BCAS3: variants seen among roughly 807,000 people sequenced by gnomAD.
BCAS3 encodes the protein BCAS4/BCAS3 fusion.
Under a neutral mutation model 116.1 loss-of-function variants are expected in BCAS3, and 53 were observed. That is an observed-to-expected ratio of 0.46 (90% CI 0.37 to 0.57). The LOEUF (loss-of-function observed/expected upper bound fraction) is 0.57, where lower values mean the gene tolerates loss of function less well. BCAS3 is among the 20% of genes least tolerant of loss of function. The probability of loss-of-function intolerance (pLI) is 0.00; values close to 1 mark genes in which losing one functional copy is unlikely to be tolerated. For synonymous variants in BCAS3, 391 were observed against 408.2 expected (o/e 0.96, Z 0.51); for missense variants, 917 against 1,165.4 (o/e 0.79, Z 3.10).
chr17:60,844,853 C>T (rs1259971375), intron 7 of BCAS3, among the ~76,000 whole-genome samples: 1 of 152,046 alleles, frequency 6.6e-6, no homozygotes, highest in Non-Finnish European at 1.5e-5. Flanking sequence ...AGATAGAATA[C>T]CATGAGTAAA....
intron 6 of BCAS3, among the ~76,000 whole-genome samples, chr17:60,788,501 A>G (rs1242687174): frequency 1.3e-5 from 2 of 152,192 alleles, no homozygotes; most frequent in Non-Finnish European, 2.9e-5. Context: ...ATATAGTTTA[A>G]TAAACTTTTT....
chr17:61,058,837 T>C (rs1477743725), intron 19 of BCAS3, among the ~76,000 whole-genome samples: 1 of 152,150 alleles, frequency 6.6e-6, no homozygotes, highest in African/African-American at 2.4e-5. Context: ...AATGATATAA[T>C]TGACGTTTGG....
At chr17:60,788,670 CCTCT>C (rs1274190685) in intron 6 of BCAS3, among the ~76,000 whole-genome samples, 3 of 152,008 alleles carry the variant, frequency 2.0e-5, no homozygotes, top group Non-Finnish European at 4.4e-5. Context: ...GTGCCTGGAG[CCTCT>C]CTATTTTCCT....
At chr17:60,789,416 G>A (rs1204691851) in intron 6 of BCAS3, among the ~76,000 whole-genome samples, 1 of 152,164 alleles carries the variant, frequency 6.6e-6, no homozygotes, top group Admixed American at 6.5e-5. Flanking sequence ...TGGGAGAGGA[G>A]TTGGTGACTT....
intron 22 of BCAS3, among the ~76,000 whole-genome samples, chr17:61,338,399 G>A (rs116930456): frequency 0.011 from 1,718 of 151,418 alleles, 28 homozygotes; most frequent in East Asian, 0.054. Flanking sequence ...TACCAGAGTC[G>A]CTTTTTTTTT....
At chr17:61,053,855 A>T (rs1310344782) in intron 19 of BCAS3, among the ~76,000 whole-genome samples, 1 of 152,212 alleles carries the variant, frequency 6.6e-6, no homozygotes, top group African/African-American at 2.4e-5. Context: ...TCACTTATTT[A>T]CACTTAAACT....
At chr17:61,202,845 A>G (rs1293474072) in intron 22 of BCAS3, among the ~76,000 whole-genome samples, 2 of 152,224 alleles carry the variant, frequency 1.3e-5, no homozygotes, top group African/African-American at 4.8e-5. Flanking sequence ...AGAAATAAAT[A>G]GCCTAAATAT....
chr17:61,334,664 C>CAAAAAAAAAAAAAAAAAAAAAAAAAA, intron 22 of BCAS3, among the ~76,000 whole-genome samples: 1 of 50,892 alleles, frequency 2.0e-5, no homozygotes, highest in Non-Finnish European at 3.9e-5. Context: ...AACTCCATCT[C>CAAAAAAAAAAAAAAAAAAAAAAAAAA]AAAAAAAAAA....
intron 22 of BCAS3, among the ~76,000 whole-genome samples, chr17:61,311,274 C>G (rs1157428671): frequency 6.6e-6 from 1 of 152,196 alleles, no homozygotes; most frequent in African/African-American, 2.4e-5. Flanking sequence ...CTTTCCATAT[C>G]AGCACATGTA....
chr17:61,349,091 G>C lies in BCAS3; in HGVS notation c.2426-19236G>C, dbSNP rs778536200. On this transcript the variant is annotated intron_variant, in intron 22 of 23. Coordinates refer to ENST00000407086, the MANE Select transcript of BCAS3 (RefSeq NM_017679.5). This position sits in a 1 kb window ranked among gnomAD's most constrained non-coding sequence, Gnocchi z 4.7. The stretch of plus-strand genomic sequence containing the variant: ...TTCTTAAGGCTGGATTTGAGGACCC[G>C]TGCTTTGGAGCAGTGGTTCCCAAAA... Among the ~76,000 whole-genome samples, 1 of 152,142 alleles carries C rather than the reference G, an allele frequency of 6.6e-6. No homozygotes were observed. The highest frequency in any genetic ancestry group is 1.5e-5 in the Non-Finnish European group (1 of 68,030).
chr17:60,741,567 C>CATTATA (rs1445122998), intron 5 of BCAS3, among the ~76,000 whole-genome samples: 1 of 152,146 alleles, frequency 6.6e-6, no homozygotes, highest in Non-Finnish European at 1.5e-5. Context: ...CATGGAGGGC[C>CATTATA]ATTATAATAA....
chr17:61,335,910 C>T (rs1207281298), intron 22 of BCAS3, among the ~76,000 whole-genome samples: 2 of 152,264 alleles, frequency 1.3e-5, no homozygotes, highest in East Asian at 1.9e-4. Flanking sequence ...GGGTACCGCC[C>T]AGCCTAGCAG....
rs552810290 is a variant in BCAS3, at chr17:61,132,055, C to G, written c.2425+47491C>G. On this transcript the variant is annotated intron_variant, in intron 22 of 23. Transcript: ENST00000407086. This position sits in a 1 kb window ranked among gnomAD's most constrained non-coding sequence, Gnocchi z 5.1. The stretch of plus-strand genomic sequence containing the variant: ...TGTTCTCCTTATAGCCACTCTGTCC[C>G]CAAAGAAGTTTTTAATGCTTTGACC... Among the ~76,000 whole-genome samples, 1 of 152,264 alleles carries G rather than the reference C, an allele frequency of 6.6e-6. No homozygotes were observed. Among genetic ancestry groups the G allele is most frequent in the Admixed American group, 6.5e-5 (1 of 15,292 alleles).
rs2055531092 is a variant in BCAS3, at chr17:61,324,060, G to C, written c.2426-44267G>C. 6.6e-6 allele frequency among the ~76,000 whole-genome samples: 1 copy of C among 152,198 alleles called. No homozygotes were observed. The highest frequency in any genetic ancestry group is 2.4e-5 in the African/African-American group (1 of 41,464). ...TTTGGCTGGAGCCGCCTTCCTCTGT[G>C]TTCTCAGTGTGCTCTTGTAACCCTC... On this transcript the variant is annotated intron_variant, in intron 22 of 23. Coordinates refer to ENST00000407086, the MANE Select transcript of BCAS3 (RefSeq NM_017679.5). This position sits in a 1 kb window ranked among gnomAD's most constrained non-coding sequence, Gnocchi z 4.6.
intron 13 of BCAS3, among the ~76,000 whole-genome samples, chr17:60,931,185 G>T (rs995392323): frequency 1.3e-5 from 2 of 152,148 alleles, no homozygotes; most frequent in African/African-American, 4.8e-5. Flanking sequence ...GATCTGGGCA[G>T]ATTCAATATG....
intron 22 of BCAS3, among the ~76,000 whole-genome samples, chr17:61,183,231 A>G (rs1265809805): frequency 6.6e-6 from 1 of 152,006 alleles, no homozygotes. Context: ...AAAATTTGCC[A>G]TTTTGTTTGT....
Position 61,285,223 on chromosome 17 carries a change from C to T in BCAS3, c.2426-83104C>T, listed in dbSNP as rs1160882568. 7.8e-6 allele frequency among the ~76,000 whole-genome samples: 1 copy of T among 127,988 alleles called. No homozygotes were observed. The highest frequency in any genetic ancestry group is 1.6e-5 in the Non-Finnish European group (1 of 63,632). 84.0% of individuals were successfully genotyped at this position (127,988 alleles called of 152,430 possible). ...ATTGGGGTGTTTTGCTTTTCCCCTC[C>T]TCCTAGGTTGTGTGTGTGTGTGTGT... is the stretch of plus-strand genomic sequence containing the variant. On this transcript the variant is annotated intron_variant, in intron 22 of 23. Coordinates refer to ENST00000407086, the MANE Select transcript of BCAS3 (RefSeq NM_017679.5). This position sits in a 1 kb window ranked among gnomAD's most constrained non-coding sequence, Gnocchi z 5.4.
chr17:61,335,810 G>A (rs532149508), intron 22 of BCAS3, among the ~76,000 whole-genome samples: 3 of 152,374 alleles, frequency 2.0e-5, no homozygotes, highest in East Asian at 1.9e-4. Context: ...AGCAGCTTCT[G>A]GTTGTATTTT....
At chr17:60,895,909 G>A (rs1484973769) in intron 10 of BCAS3, among the ~76,000 whole-genome samples, 1 of 152,160 alleles carries the variant, frequency 6.6e-6, no homozygotes, top group Admixed American at 6.5e-5. Context: ...CTTTAAAAGT[G>A]TATTGAGACT....
Sources: allele counts gnomAD v4.1 joint callset (sites outside exome capture counted in the v4.1 genomes callset), GRCh38; gene constraint gnomAD v4.1.1; non-coding constraint Gnocchi (gnomAD v3.1); transcripts MANE v1.5; gene names NCBI Gene and HGNC (gene_info 2026-07-23, HGNC 2026-07-21).